The following PCM1 variants were observed in gnomAD, a reference collection of about 807,000 sequenced individuals.
PCM1 encodes pericentriolar material 1 protein.
Under a neutral mutation model 241.9 loss-of-function variants are expected in PCM1, and 157 were observed. The observed-to-expected ratio is 0.65, with a 90% CI of 0.57 to 0.74. PCM1 has a LOEUF of 0.74. Ranked by LOEUF, PCM1 falls within the 30% of genes least tolerant of loss-of-function variation. The pLI, the probability that PCM1 is intolerant of heterozygous loss-of-function variation, is 0.00. For missense variants in PCM1, 3,478 were observed against 2,360.1 expected, an observed-to-expected ratio of 1.47 and a Z score of -9.81; for synonymous variants, 1,085 against 784.9, an observed-to-expected ratio of 1.38 and a Z score of -6.39.
intron 34 of PCM1, among the ~76,000 whole-genome samples, chr8:18,013,050 T>C (rs933581065): frequency 2.0e-5 from 3 of 152,130 alleles, no homozygotes; most frequent in Non-Finnish European, 4.4e-5. Context: ...AGGTAGGGCA[T>C]TTGGGGAGAC....
intron 2 of PCM1, chr8:17,925,930 G>C (rs1235974219): frequency 2.0e-5 from 3 of 151,810 alleles, no homozygotes; most frequent in Admixed American, 2.0e-4. Flanking sequence ...ATGAGGACCT[G>C]AAATGAGACT....
At chr8:17,926,962 A>C (rs373643) in intron 2 of PCM1, 1 of 152,116 alleles carries the variant, frequency 6.6e-6, no homozygotes, top group African/African-American at 2.4e-5. Context: ...AGTCATTGCA[A>C]GTGTTTAGTT....
chr8:17,925,912 G>C (rs2129445146), intron 2 of PCM1: 1 of 152,072 alleles, frequency 6.6e-6, no homozygotes, highest in East Asian at 1.9e-4. Flanking sequence ...TTATTTTATA[G>C]CTCTCCTATG....
At chr8:18,005,476 G>A (rs576805039) in intron 29 of PCM1, among the ~76,000 whole-genome samples, 1 of 151,630 alleles carries the variant, frequency 6.6e-6, no homozygotes, top group African/African-American at 2.4e-5. Context: ...ATGTATTGGT[G>A]GGGGGGACTG....
At chr8:17,960,753 T>G (rs1225991253) in intron 15 of PCM1, among the ~76,000 whole-genome samples, 1 of 152,032 alleles carries the variant, frequency 6.6e-6, no homozygotes, top group East Asian at 1.9e-4. Flanking sequence ...TTCGATCTCC[T>G]GACCTCGTGA....
rs1441212322 is a variant in PCM1, at chr8:17,947,354, G to A, written c.952G>A (p.Asp318Asn). The change falls in exon 7 of 39, where the codon GAT (aspartate) becomes AAT (asparagine). Residue 318 changes from aspartate (D) to asparagine (N), a missense_variant. Transcript: ENST00000325083. ...HKAEQAIAVM[D>N]DSVVAETAGS... ...AGCAGAGCAAGCTATTGCAGTGATG[G>A]ATGATTCTGGTATGTCACAGTCTGA... 1 of 1,590,350 alleles carries A rather than the reference G, an allele frequency of 6.3e-7. No homozygotes were observed. Among genetic ancestry groups the A allele is most frequent in the African/African-American group, 1.4e-5 (1 of 73,868 alleles).
intron 36 of PCM1, among the ~76,000 whole-genome samples, chr8:18,017,700 A>T (rs1490504275): frequency 6.6e-6 from 1 of 152,216 alleles, no homozygotes; most frequent in Non-Finnish European, 1.5e-5. Flanking sequence ...TTAAAAATAC[A>T]AAATTAGCCA....
At chr8:17,994,728 C>T (rs1456970001) in intron 29 of PCM1, among the ~76,000 whole-genome samples, 2 of 146,122 alleles carry the variant, frequency 1.4e-5, no homozygotes, top group African/African-American at 5.6e-5. Flanking sequence ...GGGATAAGTG[C>T]CATTTTAACA....
At chr8:18,019,948 A>C (rs2093625649) in intron 36 of PCM1, among the ~76,000 whole-genome samples, 1 of 152,158 alleles carries the variant, frequency 6.6e-6, no homozygotes. Context: ...CAACTAAGGC[A>C]GTTAAGGGAG....
intron 36 of PCM1, among the ~76,000 whole-genome samples, chr8:18,018,663 T>C (rs2093449805): frequency 6.6e-6 from 1 of 151,504 alleles, no homozygotes; most frequent in South Asian, 2.1e-4. Flanking sequence ...ATATAAAAAT[T>C]AGCTGGGAGT....
chr8:17,949,142 CT>C (rs2065037352), intron 7 of PCM1, among the ~76,000 whole-genome samples: 1 of 152,226 alleles, frequency 6.6e-6, no homozygotes, highest in African/African-American at 2.4e-5. Flanking sequence ...TGAGTTTGAA[CT>C]TCATACTATT....
At chr8:17,936,081 C>G (rs1010450293) in intron 3 of PCM1, among the ~76,000 whole-genome samples, 1 of 152,192 alleles carries the variant, frequency 6.6e-6, no homozygotes, top group East Asian at 1.9e-4. Context: ...GACCAGTTTT[C>G]TCTCCTCTGG....
chr8:17,958,947 C>T (rs1187276978), intron 13 of PCM1, among the ~76,000 whole-genome samples: 4 of 152,078 alleles, frequency 2.6e-5, no homozygotes, highest in African/African-American at 9.7e-5. Context: ...GTCTTGAACT[C>T]CTGGCCTCAG....
At chr8:17,948,017 C>T (rs2064472477) in intron 7 of PCM1, among the ~76,000 whole-genome samples, 1 of 152,076 alleles carries the variant, frequency 6.6e-6, no homozygotes, top group Non-Finnish European at 1.5e-5. Flanking sequence ...TTTAGTTTCT[C>T]GTTAAATTGC....
chr8:18,026,168 AC>A (rs1345976768), intron 38 of PCM1, among the ~76,000 whole-genome samples: 1,534 of 4,002 alleles, frequency 0.38, 607 homozygotes, highest in African/African-American at 0.5. Flanking sequence ...CCTCTCTGAA[AC>A]AAAAAAAAAA....
intron 29 of PCM1, among the ~76,000 whole-genome samples, chr8:18,003,167 T>C (rs1318870282): frequency 6.6e-6 from 1 of 152,238 alleles, no homozygotes; most frequent in Admixed American, 6.5e-5. Context: ...ATCCATGACA[T>C]CTGAGATGTT....
Position 17,964,602 on chromosome 8 carries a change from G to A in PCM1, c.2689G>A (p.Ala897Thr). ...MATWGGSTQC[A>T]LDEEGDEDGY... ...AACTTGGGGAGGGTCTACCCAGTGT[G>A]CACTAGATGAAGAAGGAGATGAAGA... is the stretch of plus-strand genomic sequence containing the variant. Residue 897 changes from alanine (A) to threonine (T), a missense_variant, in exon 18 of 39, where the codon GCA becomes ACA. By Grantham distance (58) the Ala-to-Thr change is moderately conservative. Transcript: ENST00000325083. The A allele has an allele frequency of 1.2e-6, 2 of 1,613,876 alleles. No individual in the cohort carries two copies. The highest frequency in any genetic ancestry group is 1.7e-6 in the Non-Finnish European group (2 of 1,179,818).
chr8:17,993,862 C>T (rs1308950221), intron 29 of PCM1, among the ~76,000 whole-genome samples: 1 of 151,976 alleles, frequency 6.6e-6, no homozygotes. Context: ...TATTTTTCTG[C>T]TGCATTTTTT....
chr8:17,929,782 T>G (rs967336109), intron 2 of PCM1, among the ~76,000 whole-genome samples: 26 of 152,192 alleles, frequency 1.7e-4, no homozygotes, highest in Admixed American at 1.6e-3. Flanking sequence ...TGTATGTTAT[T>G]TCCTGTATGT....
Sources: allele counts gnomAD v4.1 joint callset (sites outside exome capture counted in the v4.1 genomes callset), GRCh38; gene constraint gnomAD v4.1.1; transcripts MANE v1.5; gene names NCBI Gene and HGNC (gene_info 2026-07-23, HGNC 2026-07-21).